ZSCAN23: variants seen among roughly 807,000 people sequenced by gnomAD.
ZSCAN23 encodes zinc finger and SCAN domain-containing protein 23.
ZSCAN23 carries 19 observed loss-of-function variants against 19.3 expected under a neutral mutation model. That is an observed-to-expected ratio of 0.99 (90% CI 0.69 to 1.45). The LOEUF is 1.45. Ranked by LOEUF, ZSCAN23 falls within the 40% of genes most tolerant of loss-of-function variation. ZSCAN23 has a pLI of 0.00. For missense variants in ZSCAN23, 372 were observed against 462.5 expected (o/e 0.80, Z 1.79); for synonymous variants, 140 against 166.2 (o/e 0.84, Z 1.21).
chr6:28,426,203 C>T, the ZSCAN23 span, among the ~76,000 whole-genome samples: 4 of 152,218 alleles, frequency 2.6e-5, no homozygotes, highest in South Asian at 8.3e-4. Flanking sequence ...TTTGCATTCA[C>T]AACTGGCTGT....
chr6:28,441,781 CAT>C (rs1271029710), intron 1 of ZSCAN23, among the ~76,000 whole-genome samples: 2 of 151,384 alleles, frequency 1.3e-5, no homozygotes, highest in Admixed American at 6.6e-5. Flanking sequence ...CATGTGCACA[CAT>C]AGAGTTGATA....
At chr6:28,427,514 T>C (rs578191291), downstream of ZSCAN23, among the ~76,000 whole-genome samples, 1 of 152,340 alleles carries the variant, frequency 6.6e-6, no homozygotes, top group Non-Finnish European at 1.5e-5. Context: ...GCTCCTAGGC[T>C]ACAAACCTGT....
downstream of ZSCAN23, among the ~76,000 whole-genome samples, chr6:28,428,798 G>A (rs963003540): frequency 3.3e-5 from 5 of 152,118 alleles, no homozygotes; most frequent in African/African-American, 1.2e-4. Context: ...TGCTTCAAAT[G>A]GCTTATAGGA....
the ZSCAN23 span, among the ~76,000 whole-genome samples, chr6:28,425,110 C>T: frequency 6.6e-6 from 1 of 152,290 alleles, no homozygotes; most frequent in Admixed American, 6.5e-5. Context: ...CAATATTAAC[C>T]TTTTTGCACA....
intron 1 of ZSCAN23, among the ~76,000 whole-genome samples, chr6:28,442,636 G>A (rs190374161): frequency 2.0e-5 from 3 of 152,340 alleles, no homozygotes; most frequent in Admixed American, 2.0e-4. Context: ...TAACTTCCCG[G>A]GTTATAGCTG....
chr6:28,441,861 G>T (rs1762007903), intron 1 of ZSCAN23, among the ~76,000 whole-genome samples: 1 of 148,394 alleles, frequency 6.7e-6, no homozygotes, highest in African/African-American at 2.5e-5. Context: ...AACACAGGCA[G>T]ATCTGGTTGT....
At position 28,435,598 on chromosome 6, in the gene ZSCAN23, G is replaced by A; in HGVS notation, c.418C>T (p.His140Tyr). Residue 140 changes from histidine (H) to tyrosine (Y), a missense_variant, in exon 3 of 4, where the codon CAT (histidine) becomes TAT (tyrosine). His to Tyr is a moderately conservative substitution (Grantham distance 83). Coordinates refer to ENST00000289788, the MANE Select transcript of ZSCAN23 (RefSeq NM_001012455.2). ...ACAAACTCTTCCTGTTCATGAGCAT[G>A]GCTCAGGACCTGGTGGAAATCAAGG... ...LDDPGEQVLS[H>Y]AHEQEEFVKE... 3.2e-6 allele frequency: 5 copies of A among 1,551,124 alleles called. No homozygotes were observed. Among genetic ancestry groups the A allele is most frequent in the Non-Finnish European group, 4.4e-6 (5 of 1,146,840 alleles).
the ZSCAN23 span, among the ~76,000 whole-genome samples, chr6:28,421,940 G>A: frequency 6.6e-6 from 1 of 151,984 alleles, no homozygotes; most frequent in Admixed American, 6.5e-5. Context: ...TTGATATTAA[G>A]GAATTACTGT....
downstream of ZSCAN23, among the ~76,000 whole-genome samples, chr6:28,427,978 C>T (rs1761690741): frequency 6.6e-6 from 1 of 152,172 alleles, no homozygotes; most frequent in Non-Finnish European, 1.5e-5. Flanking sequence ...ATTTGGGAGG[C>T]TGAGGCAGAA....
chr6:28,440,006 T>A (rs560473148), intron 1 of ZSCAN23, among the ~76,000 whole-genome samples: 168 of 151,124 alleles, frequency 1.1e-3, no homozygotes, highest in Non-Finnish European at 1.6e-3. Flanking sequence ...AGAGAGAGAG[T>A]AAGGGGAAAG....
At position 28,436,325 on chromosome 6, in the gene ZSCAN23, C is replaced by CAA; in HGVS notation, c.-60_-59insTT. The CAA allele has an allele frequency of 7.4e-7, 1 of 1,344,836 alleles. No homozygotes were observed. The highest frequency in any genetic ancestry group is 9.6e-7 in the Non-Finnish European group (1 of 1,037,964). 83.3% of individuals were successfully genotyped at this position (1,344,836 alleles called of 1,614,324 possible). On this transcript the variant is annotated 5_prime_UTR_variant, in exon 2 of 4. It introduces an in-frame stop codon into an upstream open reading frame of the 5' UTR. Transcript: ENST00000289788. The stretch of plus-strand genomic sequence containing the variant: ...CTTGATAATTCTCCCTTGATCTTTT[C>CAA]TTCTGGAAACCCCGAGATCTAGACA...
At chr6:28,423,086 T>C in the ZSCAN23 span, among the ~76,000 whole-genome samples, 7 of 151,976 alleles carry the variant, frequency 4.6e-5, no homozygotes, top group Admixed American at 4.6e-4. Context: ...TTAGATGGAG[T>C]TTAATGAGGG....
At position 28,435,088 on chromosome 6, in the gene ZSCAN23, C is replaced by CGATAACATGAAA; in HGVS notation, c.557-22_557-11dup. ...GTCCCAGCCTTGCCATCTAAAATAACGATAACATGAAAGATAACATGAAGT... is the reference window on the plus strand; with the variant it reads ...GTCCCAGCCTTGCCATCTAAAATAACGATAACATGAAAGATAACATGAAAGATAACATGAAGT... On this transcript the variant is annotated splice_polypyrimidine_tract_variant and intron_variant, in intron 3 of 3. Coordinates refer to ENST00000289788, the MANE Select transcript of ZSCAN23 (RefSeq NM_001012455.2). The CGATAACATGAAA allele has an allele frequency of 6.6e-7, 1 of 1,512,530 alleles. No individual in the cohort carries two copies. Among genetic ancestry groups the CGATAACATGAAA allele is most frequent in the Non-Finnish European group, 8.9e-7 (1 of 1,129,054 alleles). The allele number at this position is 1,512,530 out of a possible 1,614,324, so 93.7% of individuals were successfully genotyped here.
At chr6:28,429,513 G>A (rs1761716553), downstream of ZSCAN23, among the ~76,000 whole-genome samples, 1 of 152,170 alleles carries the variant, frequency 6.6e-6, no homozygotes, top group Non-Finnish European at 1.5e-5. Context: ...GGTTAAAACG[G>A]CCGTAGGATT....
the ZSCAN23 span, among the ~76,000 whole-genome samples, chr6:28,426,737 A>G: frequency 2.0e-5 from 3 of 152,246 alleles, no homozygotes; most frequent in Non-Finnish European, 4.4e-5. Context: ...AATAAAGCAA[A>G]GTGCAAGTAA....
rs1319670221 is a variant in ZSCAN23 at position 28,434,399 on chromosome 6, T to G, written c.*66A>C. 3 of 1,450,676 alleles carry G rather than the reference T, an allele frequency of 2.1e-6. No homozygotes were observed. The highest frequency in any genetic ancestry group is 2.7e-6 in the Non-Finnish European group (3 of 1,098,130). 89.9% of individuals were successfully genotyped at this position (1,450,676 alleles called of 1,614,324 possible). A position where few individuals can be genotyped will look rare whatever the true frequency, so the allele number is the denominator to read the frequency against. ...AATTTTTACTGGCTTTCCCTTGAAC[T>G]TTTCTATGCTAGAGGACACAGCAGG... On this transcript the variant is annotated 3_prime_UTR_variant, in exon 4 of 4. Transcript: ENST00000289788.
At chr6:28,440,298 T>A (rs754955249) in intron 1 of ZSCAN23, among the ~76,000 whole-genome samples, 3 of 152,202 alleles carry the variant, frequency 2.0e-5, no homozygotes, top group Non-Finnish European at 4.4e-5. Flanking sequence ...GGGCTCTAAC[T>A]TGTATTCTAT....
the ZSCAN23 span, among the ~76,000 whole-genome samples, chr6:28,422,322 A>G: frequency 6.6e-6 from 1 of 152,186 alleles, no homozygotes. This position sits in a 1 kb window ranked among gnomAD's most constrained non-coding sequence, Gnocchi z 4.0. Flanking sequence ...CTCTAAGGCC[A>G]GTTACAAAAT....
chr6:28,426,884 C>T, the ZSCAN23 span, among the ~76,000 whole-genome samples: 1 of 152,302 alleles, frequency 6.6e-6, no homozygotes, highest in South Asian at 2.1e-4. Flanking sequence ...GATCTCGGCT[C>T]ACTGCAGCCT....
Sources: allele counts gnomAD v4.1 joint callset (sites outside exome capture counted in the v4.1 genomes callset), GRCh38; gene constraint gnomAD v4.1.1; non-coding constraint Gnocchi (gnomAD v3.1); transcripts MANE v1.5; gene names NCBI Gene and HGNC (gene_info 2026-07-23, HGNC 2026-07-21).